Variants in L3MBTL4 observed in about 807,000 individuals in gnomAD.
L3MBTL4 encodes the protein lethal(3)malignant brain tumor-like protein 4.
In L3MBTL4, 70 loss-of-function variants were observed where a neutral mutation model predicts 84.5. That is an observed-to-expected ratio of 0.83 (90% CI 0.68 to 1.01). L3MBTL4 has a LOEUF of 1.01. L3MBTL4 is among the 50% of genes least tolerant of loss of function. L3MBTL4 has a pLI of 0.00. For synonymous variants in L3MBTL4, 274 were observed against 259.8 expected (o/e 1.05, Z -0.52); for missense variants, 715 against 754.8 (o/e 0.95, Z 0.62).
chr18:5,955,971 G>A lies in L3MBTL4; in HGVS notation c.*249C>T, dbSNP rs2095224489. 5.0e-6 allele frequency: 2 copies of A among 401,720 alleles called. No homozygotes were observed. Among genetic ancestry groups the A allele is most frequent in the East Asian group, 8.5e-5 (2 of 23,576 alleles). The allele number at this position is 401,720 out of a possible 1,614,324, so 24.9% of individuals were successfully genotyped here. Reference sequence around the variant, plus strand: ...TGGTCTGTCTTGCAAACAAATCAGAGCTGAGCGGATCCCACCAAAGATAAC... The same window carrying A: ...TGGTCTGTCTTGCAAACAAATCAGAACTGAGCGGATCCCACCAAAGATAAC... On this transcript the variant is annotated 3_prime_UTR_variant, in exon 19 of 19. Coordinates refer to ENST00000317931, the MANE Select transcript of L3MBTL4 (RefSeq NM_001330559.2).
chr18:6,326,785 G>C (rs1599650688), intron 1 of L3MBTL4: 1 of 152,174 alleles, frequency 6.6e-6, no homozygotes, highest in Admixed American at 6.5e-5. Flanking sequence ...CCACTGATAA[G>C]TATTGTTATT....
chr18:6,254,416 T>G (rs1170820786), intron 5 of L3MBTL4, among the ~76,000 whole-genome samples: 1 of 138,398 alleles, frequency 7.2e-6, no homozygotes, highest in East Asian at 2.0e-4. Context: ...TGACACCTTT[T>G]TTTTTTTTTT....
At chr18:5,966,107 C>T (rs147444801) in intron 17 of L3MBTL4, among the ~76,000 whole-genome samples, 241 of 152,282 alleles carry the variant, frequency 1.6e-3, no homozygotes, top group African/African-American at 5.6e-3. Flanking sequence ...CTTCTCTGTC[C>T]TAATGACACT....
chr18:6,031,931 T>C (rs2055822275), intron 16 of L3MBTL4: 3 of 727,480 alleles, frequency 4.1e-6, no homozygotes, highest in African/African-American at 1.9e-5. Context: ...ATTGTGTGGT[T>C]TGTACCCATT....
At chr18:6,346,278 G>C (rs904587852) in intron 1 of L3MBTL4, among the ~76,000 whole-genome samples, 3 of 151,684 alleles carry the variant, frequency 2.0e-5, no homozygotes, top group African/African-American at 7.3e-5. Context: ...CATTGGTCTT[G>C]ACAATGATTT....
chr18:6,196,318 C>A (rs1009645247), intron 12 of L3MBTL4, among the ~76,000 whole-genome samples: 3 of 152,036 alleles, frequency 2.0e-5, no homozygotes, highest in Admixed American at 6.6e-5. Flanking sequence ...CCACCACGCC[C>A]GTCTAATTTT....
chr18:6,129,223 G>T lies in L3MBTL4; in HGVS notation c.1199+8971C>A, dbSNP rs200186949. Among the ~76,000 whole-genome samples, 5 of 152,264 alleles carry T rather than the reference G, an allele frequency of 3.3e-5. No individual in the cohort carries two copies. In the East Asian group the frequency reaches 9.7e-4, roughly 29 times the overall value. On this transcript the variant is annotated intron_variant, in intron 14 of 18. Transcript: ENST00000317931. ...GCACCTCTAGTTCCTTCCAGAAGGG[G>T]TGTCTTAAGTCTCAGAATAATGCAT...
chr18:6,209,266 T>G (rs1198589286), intron 12 of L3MBTL4, among the ~76,000 whole-genome samples: 1 of 152,088 alleles, frequency 6.6e-6, no homozygotes, highest in African/African-American at 2.4e-5. Context: ...TATTACTACT[T>G]CTATTACTTC....
chr18:6,395,976 C>T (rs1280987998), intron 1 of L3MBTL4: 1 of 152,010 alleles, frequency 6.6e-6, no homozygotes, highest in Non-Finnish European at 1.5e-5. Context: ...TGTTTTCTTC[C>T]ATCCAGGGTT....
At position 6,046,536 on chromosome 18, in the gene L3MBTL4, T is replaced by A. The variant is rs188676676; in HGVS notation, c.1444+34345A>T. 9.5e-4 allele frequency among the ~76,000 whole-genome samples: 145 copies of A among 152,146 alleles called. 4 individuals carry two copies. The East Asian group carries it at 0.023, about 25-fold the overall frequency. On this transcript the variant is annotated intron_variant, in intron 16 of 18. Transcript: ENST00000317931. ...GCAAGTCTCAATAAATTAAAAAAAA[T>A]TAGTAATCATACCAACAGTACTCTC...
At chr18:6,346,924 C>G (rs1364602939) in intron 1 of L3MBTL4, among the ~76,000 whole-genome samples, 3 of 152,104 alleles carry the variant, frequency 2.0e-5, no homozygotes, top group Non-Finnish European at 4.4e-5. Context: ...TGGAAACAAC[C>G]TAAATTTCTA....
chr18:6,084,572 A>G (rs2058195840), intron 15 of L3MBTL4, among the ~76,000 whole-genome samples: 1 of 152,140 alleles, frequency 6.6e-6, no homozygotes, highest in South Asian at 2.1e-4. Context: ...TTTTTAGGCA[A>G]ATTCTCCAAA....
chr18:6,245,293 T>C lies in L3MBTL4; in HGVS notation c.220-705A>G, dbSNP rs74435627. ...CTTATATGTAGTTAGTGCTCAAGGATGGTTTCATTATGTTAATATGCTTTG... is the reference window on the plus strand; with the variant it reads ...CTTATATGTAGTTAGTGCTCAAGGACGGTTTCATTATGTTAATATGCTTTG... On this transcript the variant is annotated intron_variant, in intron 5 of 18. Coordinates refer to ENST00000317931, the MANE Select transcript of L3MBTL4 (RefSeq NM_001330559.2). 3.7e-4 allele frequency among the ~76,000 whole-genome samples: 56 copies of C among 152,294 alleles called. 2 individuals carry two copies. The East Asian group carries it at 0.011, about 29-fold the overall frequency.
At chr18:5,970,415 T>G (rs972476196) in intron 16 of L3MBTL4, among the ~76,000 whole-genome samples, 2 of 151,532 alleles carry the variant, frequency 1.3e-5, no homozygotes, top group African/African-American at 2.4e-5. Context: ...GTTTCCTGTC[T>G]TCAAAAGTGA....
intron 13 of L3MBTL4, among the ~76,000 whole-genome samples, chr18:6,167,254 A>G (rs1201164185): frequency 6.6e-6 from 1 of 152,240 alleles, no homozygotes; most frequent in Non-Finnish European, 1.5e-5. Flanking sequence ...AGGTACAAGG[A>G]GGAGCTGGTA....
chr18:6,212,199 A>G (rs943583242), intron 12 of L3MBTL4, among the ~76,000 whole-genome samples: 2 of 152,224 alleles, frequency 1.3e-5, no homozygotes, highest in African/African-American at 4.8e-5. Flanking sequence ...AATAATGGAC[A>G]TTGCCAGTGT....
chr18:6,373,108 A>T (rs1226524066), intron 1 of L3MBTL4, among the ~76,000 whole-genome samples: 1 of 152,166 alleles, frequency 6.6e-6, no homozygotes, highest in Non-Finnish European at 1.5e-5. Flanking sequence ...TCTCCCCCAC[A>T]ATATTCTGGG....
rs939684161 is a variant in L3MBTL4 at position 6,411,699 on chromosome 18, G to T, written c.-91+3102C>A. 4.6e-5 allele frequency among the ~76,000 whole-genome samples: 7 copies of T among 152,024 alleles called. 1 individual carries two copies. Among genetic ancestry groups the T allele is most frequent in the Non-Finnish European group, 1.0e-4 (7 of 68,012 alleles). On this transcript the variant is annotated intron_variant, in intron 1 of 18. Coordinates refer to ENST00000317931, the MANE Select transcript of L3MBTL4 (RefSeq NM_001330559.2). ...CATGGAACTGTTCTTTTCTCTCAAT[G>T]CTAGTTTAGTCACCCTAACACATGC...
At chr18:6,181,476 C>T (rs2145354912) in intron 12 of L3MBTL4, among the ~76,000 whole-genome samples, 2 of 151,996 alleles carry the variant, frequency 1.3e-5, no homozygotes, top group East Asian at 3.9e-4. Flanking sequence ...CAGGTGCGTG[C>T]CACCATGCCC....
Sources: allele counts gnomAD v4.1 joint callset (sites outside exome capture counted in the v4.1 genomes callset), GRCh38; gene constraint gnomAD v4.1.1; transcripts MANE v1.5; gene names NCBI Gene and HGNC (gene_info 2026-07-23, HGNC 2026-07-21).